Variants in FUS observed in about 807,000 individuals in gnomAD.
FUS encodes the protein FUS RNA binding protein.
FUS carries 5 observed loss-of-function variants against 82.7 expected under a neutral mutation model. That is an observed-to-expected ratio of 0.06 (90% CI 0.03 to 0.13). FUS has a LOEUF of 0.13. FUS is among the 10% of genes least tolerant of loss of function. FUS has a pLI of 1.00. For synonymous variants in FUS, 281 were observed against 247.4 expected (o/e 1.14, Z -1.27); for missense variants, 512 against 707.8 (o/e 0.72, Z 3.14).
At chr16:31,182,453 G>A in intron 2 of FUS, 31 bp downstream of exon 2, 1 of 1,614,210 alleles carries the variant, frequency 6.2e-7, no homozygotes, top group East Asian at 2.2e-5. Context: ...TCCAGAGTTT[G>A]TAGAGGGCAA....
At chr16:31,188,676 A>G (rs2079308094) in intron 8 of FUS, 1 of 503,738 alleles carries the variant, frequency 2.0e-6, no homozygotes, top group Admixed American at 3.8e-5. Flanking sequence ...CAAAATGTGG[A>G]TCATGTCCAA....
chr16:31,191,644 C>G (rs570275774), downstream of FUS: 6 of 707,792 alleles, frequency 8.5e-6, no homozygotes, highest in Admixed American at 6.0e-5. Flanking sequence ...CCTGGAAGAT[C>G]GATGTCCCGA....
rs1406287150 is a variant in FUS at position 31,191,535 on chromosome 16, T to G, written c.*97T>G. The G allele has an allele frequency of 3.0e-6, 4 of 1,330,466 alleles. No homozygotes were observed. The highest frequency in any genetic ancestry group is 4.3e-6 in the Non-Finnish European group (4 of 927,158). 82.4% of individuals were successfully genotyped at this position (1,330,466 alleles called of 1,614,324 possible). A position where few individuals can be genotyped will look rare whatever the true frequency, so the allele number is the denominator to read the frequency against. ...CTTCCAATTCCTGATCACCCAAGGG[T>G]TTTTTTGTGTCGGACTATGTAATTG... On this transcript the variant is annotated 3_prime_UTR_variant, in exon 15 of 15. Transcript: ENST00000254108.
At chr16:31,187,300 G>A (rs2079284900) in intron 7 of FUS, 2 of 278,432 alleles carry the variant, frequency 7.2e-6, no homozygotes, top group African/African-American at 2.1e-5. Context: ...GGTGAAGTTG[G>A]TATACATTTA....
At position 31,183,967 on chromosome 16, in the gene FUS, T is replaced by C. The variant is rs376424892; in HGVS notation, c.300T>C (p.Tyr100=). ...SYGQQSSYPG[Y]GQQPAPSSTS... ...GGCAGCAGTCCTCCTACCCTGGCTA[T>C]GGCCAGCAGCCAGCTCCCAGCAGCA... Residue 100 remains tyrosine, a synonymous_variant, in exon 4 of 15, where the codon TAT becomes TAC. Transcript: ENST00000254108. 66 of 1,613,962 alleles carry C rather than the reference T, an allele frequency of 4.1e-5. No individual in the cohort carries two copies. The Middle Eastern group carries it at 4.9e-4, about 12-fold the overall frequency.
At chr16:31,184,859 G>C (rs2079239133) in intron 5 of FUS, 80 bp from the exon 6 acceptor site, 1 of 1,462,472 alleles carries the variant, frequency 6.8e-7, no homozygotes, top group African/African-American at 1.4e-5. Context: ...CCTGGCACTT[G>C]TCAAACCTTT....
chr16:31,192,354 A>G, downstream of FUS: 1 of 526,068 alleles, frequency 1.9e-6, no homozygotes, highest in Non-Finnish European at 3.7e-6. Flanking sequence ...TCAGCCTCTT[A>G]CCATGTGGTT....
intron 10 of FUS, 76 bp from the exon 11 acceptor site, chr16:31,189,964 A>G (rs1250001133): frequency 1.0e-5 from 16 of 1,556,354 alleles, no homozygotes; most frequent in Non-Finnish European, 1.4e-5. Flanking sequence ...CCATTTGAGA[A>G]AGGCACGCTT....
chr16:31,190,605 T>A, intron 12 of FUS, 137 bp from the exon 13 acceptor site: 1 of 1,167,524 alleles, frequency 8.6e-7, no homozygotes, highest in Non-Finnish European at 1.3e-6. Context: ...TGTTCCTGAC[T>A]CTGAGAAGCA....
chr16:31,190,698 C>T (rs745839559), intron 12 of FUS, 44 bp from the exon 13 acceptor site: 9 of 1,549,708 alleles, frequency 5.8e-6, no homozygotes, highest in Non-Finnish European at 8.0e-6. Flanking sequence ...TAGGTCTTGC[C>T]TATTCCCCAT....
In FUS at chr16:31,184,296, A is replaced by G; in HGVS notation, c.423A>G (p.Gln141=). ...AGCCTAGCTATGGTGGACAGCAGCA[A>G]AGCTATGGACAGCAGCAAAGCTATA... The part of the protein sequence containing the change: ...SQQPSYGGQQ[Q]SYGQQQSYNP... Residue 141 remains glutamine, a synonymous_variant, in exon 5 of 15, where the codon CAA becomes CAG. Coordinates refer to ENST00000254108, the MANE Select transcript of FUS (RefSeq NM_004960.4). 2 of 1,613,956 alleles carry G rather than the reference A, an allele frequency of 1.2e-6. No homozygotes were observed. The highest frequency in any genetic ancestry group is 1.7e-6 in the Non-Finnish European group (2 of 1,179,858).
intron 1 of FUS, among the ~76,000 whole-genome samples, chr16:31,181,834 C>G (rs1389216684): frequency 1.3e-5 from 2 of 152,104 alleles, no homozygotes; most frequent in Admixed American, 6.5e-5. Context: ...GGATGTCCAC[C>G]AAGACCTTGG....
intron 6 of FUS, 178 bp from the exon 7 acceptor site, chr16:31,186,624 G>C: frequency 1.5e-6 from 1 of 667,416 alleles, no homozygotes; most frequent in Non-Finnish European, 2.7e-6. Flanking sequence ...GCACACGTGT[G>C]TGTGACATGC....
At chr16:31,189,472 T>C (rs2079319910) in intron 9 of FUS, among the ~76,000 whole-genome samples, 193 bp from the exon 10 acceptor site, 1 of 152,226 alleles carries the variant, frequency 6.6e-6, no homozygotes, top group African/African-American at 2.4e-5. Flanking sequence ...ATAGTAACTT[T>C]TAGTTTTATC....
chr16:31,186,222 C>A (rs1321383317), intron 6 of FUS: 1 of 246,412 alleles, frequency 4.1e-6, no homozygotes, highest in Non-Finnish European at 8.0e-6. Flanking sequence ...GCTCTTCTCG[C>A]AGTGTAGAAG....
At chr16:31,193,963 AC>A (rs1366462182), downstream of FUS, 1 of 531,956 alleles carries the variant, frequency 1.9e-6, no homozygotes, top group African/African-American at 1.9e-5. Flanking sequence ...CTCTATTCTT[AC>A]TGAATGATTG....
chr16:31,187,780 A>G, intron 7 of FUS: 1 of 238,288 alleles, frequency 4.2e-6, no homozygotes. Context: ...CTTAAAAAAT[A>G]CAATAGCTAT....
In FUS at chr16:31,190,319, GGTGGCC is replaced by G; in HGVS notation, c.1215_1220del (p.Arg407_Gly408del). The G allele has an allele frequency of 6.2e-7, 1 of 1,614,164 alleles. No individual in the cohort carries two copies. Among genetic ancestry groups the G allele is most frequent in the Non-Finnish European group, 8.5e-7 (1 of 1,180,006 alleles). ...CTATGGAGGTGGTGGCAGTGGTGGT[GGTGGCC>G]GAGGAGGATTTCCCAGTGGAGGTGG... On this transcript the variant is annotated inframe_deletion, in exon 12 of 15. Transcript: ENST00000254108.
At chr16:31,181,285 CTT>C (rs2079173699) in intron 1 of FUS, among the ~76,000 whole-genome samples, 1 of 152,248 alleles carries the variant, frequency 6.6e-6, no homozygotes, top group Non-Finnish European at 1.5e-5. Context: ...TCCTGGTCCT[CTT>C]TCCCTTTTCC....
Sources: gnomAD v4.1 joint callset for allele counts (sites outside exome capture counted in the v4.1 genomes callset) on GRCh38, gnomAD v4.1.1 for gene constraint, MANE v1.5 for transcripts, NCBI Gene and HGNC (gene_info 2026-07-23, HGNC 2026-07-21) for gene names.